C1orf54: variants seen among roughly 807,000 people sequenced by gnomAD.
C1orf54 encodes the protein chromosome 1 open reading frame 54, also known as uncharacterized protein C1orf54.
C1orf54 carries 12 observed loss-of-function variants against 14.7 expected under a neutral mutation model. The ratio of observed to expected loss-of-function variants is 0.82; its 90% confidence interval spans 0.52 to 1.32. The LOEUF is 1.32. C1orf54 is among the 40% of genes most tolerant of loss of function. C1orf54 has a pLI of 0.00. For synonymous variants in C1orf54, 65 were observed against 56.3 expected (o/e 1.16, Z -0.70); for missense variants, 163 against 162.2 (o/e 1.00, Z -0.03).
upstream of C1orf54, chr1:150,269,200 C>T (rs1553850760): frequency 5.0e-6 from 1 of 199,216 alleles, no homozygotes; most frequent in East Asian, 1.3e-4. Context: ...GGGAATGGAC[C>T]AGTCGAGACA....
upstream of C1orf54, chr1:150,268,933 C>G (rs1351411145): frequency 1.3e-6 from 1 of 762,018 alleles, no homozygotes; most frequent in Non-Finnish European, 2.1e-6. Context: ...TGCAATGTCA[C>G]CCCCAGACCC....
At chr1:150,272,011 G>A (rs1268240034), upstream of C1orf54, among the ~76,000 whole-genome samples, 3 of 152,136 alleles carry the variant, frequency 2.0e-5, no homozygotes, top group South Asian at 2.1e-4. Context: ...ATGGTGGCAC[G>A]CGCCTGTAGT....
intron 5 of C1orf54, among the ~76,000 whole-genome samples, chr1:150,280,157 G>A (rs1652979361): frequency 6.6e-6 from 1 of 152,250 alleles, no homozygotes; most frequent in Non-Finnish European, 1.5e-5. Flanking sequence ...CCAAGAATTG[G>A]AGGCTGCAGT....
intron 4 of C1orf54, among the ~76,000 whole-genome samples, chr1:150,278,005 G>A (rs188473751): frequency 1.3e-5 from 2 of 152,302 alleles, no homozygotes; most frequent in Admixed American, 1.3e-4. Context: ...GCTGAGGCAG[G>A]AGAATCGCTT....
At chr1:150,274,585 G>A (rs1324818853) in intron 2 of C1orf54, among the ~76,000 whole-genome samples, 1 of 108,548 alleles carries the variant, frequency 9.2e-6, no homozygotes, top group African/African-American at 3.7e-5. Context: ...GGGTGACAGA[G>A]CAAGACTCCA....
chr1:150,272,974 AG>A, intron 1 of C1orf54, 111 bp downstream of exon 1: 1 of 1,222,732 alleles, frequency 8.2e-7, no homozygotes, highest in Non-Finnish European at 1.2e-6. Context: ...GGAGCGATAG[AG>A]TTTTCTCATC....
rs782096725 is a variant in C1orf54, at chr1:150,279,785, A to G, written c.*3+44A>G. ...GCTTTGGGGGAGTCTGTGAAATAAT[A>G]TTTTTTAACTTCCCACACTAAACCG... On this transcript the variant is annotated intron_variant, in intron 5 of 5. Transcript: ENST00000369099. The G allele has an allele frequency of 2.0e-6, 3 of 1,495,358 alleles. No individual in the cohort carries two copies. In the African/African-American group the frequency reaches 4.2e-5, roughly 21 times the overall value. 92.6% of individuals were successfully genotyped at this position (1,495,358 alleles called of 1,614,324 possible).
At chr1:150,268,830 G>GGGTGGGAAGGT, upstream of C1orf54, 19 of 1,602,238 alleles carry the variant, frequency 1.2e-5, no homozygotes, top group Non-Finnish European at 1.5e-5. Context: ...GGTGGGAAGG[G>GGGTGGGAAGGT]GGGTGGGGGC....
chr1:150,279,572 T>C lies in C1orf54; in HGVS notation c.301-71T>C, dbSNP rs1392062066. ...TGTTGTAAAGAGGTGGCAGTCTTTC[T>C]GGAGGGGGACAGAGAAGTGGTAGGA... is the stretch of plus-strand genomic sequence containing the variant. On this transcript the variant is annotated intron_variant, in intron 4 of 5. Transcript: ENST00000369099. 2.9e-6 allele frequency: 4 copies of C among 1,398,018 alleles called. No individual in the cohort carries two copies. The African/African-American group carries it at 4.4e-5, about 15-fold the overall frequency. The allele number at this position is 1,398,018 out of a possible 1,614,324, so 86.6% of individuals were successfully genotyped here.
rs1553851871 is a variant in C1orf54, at chr1:150,274,078, T to A, written c.47-9T>A. The A allele has an allele frequency of 6.2e-7, 1 of 1,603,714 alleles. No homozygotes were observed. Among genetic ancestry groups the A allele is most frequent in the South Asian group, 1.1e-5 (1 of 90,816 alleles). ...GATGTCCCTTGACCTCTAGTCCTTG[T>A]CCCCATAGGACAAGAATATGAGGAT... On this transcript the variant is annotated splice_polypyrimidine_tract_variant and intron_variant, in intron 1 of 5. Transcript: ENST00000369099.
chr1:150,279,149 T>C (rs1553853014), intron 4 of C1orf54, among the ~76,000 whole-genome samples: 1 of 152,190 alleles, frequency 6.6e-6, no homozygotes, highest in Non-Finnish European at 1.5e-5. Flanking sequence ...CGGGTGCCTG[T>C]AATCTCAGCT....
chr1:150,276,390 G>T (rs1045640449), intron 3 of C1orf54, 132 bp from the exon 4 acceptor site: 9 of 693,146 alleles, frequency 1.3e-5, no homozygotes, highest in Non-Finnish European at 2.3e-5. Context: ...CATAGGGTAG[G>T]GGGGAATCCC....
At chr1:150,272,750 G>C (rs908473338), upstream of C1orf54, 1 of 1,540,892 alleles carries the variant, frequency 6.5e-7, no homozygotes, top group African/African-American at 1.4e-5. Context: ...GAGGGGAGGC[G>C]GGGTAAGTTT....
At chr1:150,274,791 T>C (rs1652505094) in intron 2 of C1orf54, among the ~76,000 whole-genome samples, 1 of 146,186 alleles carries the variant, frequency 6.8e-6, no homozygotes, top group African/African-American at 2.5e-5. Context: ...CACCTGCCTG[T>C]AGTCCCAGTT....
intron 2 of C1orf54, among the ~76,000 whole-genome samples, chr1:150,274,648 C>G (rs2101871126): frequency 6.7e-6 from 1 of 150,268 alleles, no homozygotes; most frequent in East Asian, 2.0e-4. Context: ...CGCAGTGACT[C>G]ATGCCTGTAA....
chr1:150,280,808 A>C, intron 5 of C1orf54, 27 bp from the exon 6 acceptor site: 1 of 1,544,964 alleles, frequency 6.5e-7, no homozygotes, highest in Non-Finnish European at 8.7e-7. Flanking sequence ...GACTCCTTTT[A>C]TTTTCTTTCT....
upstream of C1orf54, chr1:150,272,454 AG>A: frequency 4.8e-6 from 1 of 210,272 alleles, no homozygotes; most frequent in South Asian, 7.9e-5. Context: ...ACTTTTTATG[AG>A]GCCTTGGAGG....
At chr1:150,279,889 C>T (rs1230071406) in intron 5 of C1orf54, 148 bp downstream of exon 5, 4 of 721,300 alleles carry the variant, frequency 5.5e-6, no homozygotes, top group African/African-American at 1.8e-5. Context: ...GATTTAGGCT[C>T]ATCCCTATAA....
Position 150,272,840 on chromosome 1 carries a change from T to C in C1orf54, c.23T>C (p.Ile8Thr), listed in dbSNP as rs1202458096. 2 of 1,614,200 alleles carry C rather than the reference T, an allele frequency of 1.2e-6. No individual in the cohort carries two copies. The highest frequency in any genetic ancestry group is 1.7e-5 in the Admixed American group (1 of 60,018). Reference sequence around the variant, plus strand: ...AGAATGGATGTCCTCTTTGTAGCCATCTTTGCTGTGCCACTTATCCTGGGT... The same window carrying C: ...AGAATGGATGTCCTCTTTGTAGCCACCTTTGCTGTGCCACTTATCCTGGGT... MDVLFVA[I>T]FAVPLILGQE... Residue 8 changes from isoleucine (I) to threonine (T), a missense_variant, in exon 1 of 6, where the codon ATC (isoleucine) becomes ACC (threonine). Coordinates refer to ENST00000369099, the MANE Select transcript of C1orf54 (RefSeq NM_024579.4).
Sources: allele counts gnomAD v4.1 joint callset (sites outside exome capture counted in the v4.1 genomes callset), GRCh38; gene constraint gnomAD v4.1.1; transcripts MANE v1.5; gene names NCBI Gene and HGNC (gene_info 2026-07-23, HGNC 2026-07-21).